JAZF1: variants seen among roughly 807,000 people sequenced by gnomAD.
JAZF1 encodes juxtaposed with another zinc finger protein 1.
A neutral mutation model predicts 26.4 loss-of-function variants in JAZF1; 8 were observed. The observed-to-expected ratio is 0.30, with a 90% CI of 0.18 to 0.55. The LOEUF (loss-of-function observed/expected upper bound fraction) is 0.55. Among genes scored for constraint, JAZF1 ranks in the 20% least tolerant of loss-of-function variants. The pLI is 0.94. For synonymous variants in JAZF1, 126 were observed against 122.3 expected, an observed-to-expected ratio of 1.03 and a Z score of -0.20; for missense variants, 199 against 322.0, an observed-to-expected ratio of 0.62 and a Z score of 2.92.
At chr7:28,112,073 C>T (rs1161116214) in intron 1 of JAZF1, among the ~76,000 whole-genome samples, 1 of 152,214 alleles carries the variant, frequency 6.6e-6, no homozygotes, top group African/African-American at 2.4e-5. Context: ...CTTGAAACGT[C>T]CCAAACCTAT....
At chr7:27,856,523 G>C (rs1384095133) in intron 3 of JAZF1, among the ~76,000 whole-genome samples, 4 of 152,200 alleles carry the variant, frequency 2.6e-5, no homozygotes, top group Middle Eastern at 3.2e-3. Context: ...ACATCCTGCT[G>C]ATTGGTCCAT....
chr7:27,863,310 G>C (rs949313737), intron 3 of JAZF1, among the ~76,000 whole-genome samples: 1 of 152,122 alleles, frequency 6.6e-6, no homozygotes, highest in East Asian at 1.9e-4. Flanking sequence ...TCTTGAATTA[G>C]AGACCGGTGG....
At chr7:28,107,178 A>G (rs1179499627) in intron 1 of JAZF1, among the ~76,000 whole-genome samples, 5 of 152,314 alleles carry the variant, frequency 3.3e-5, no homozygotes, top group African/African-American at 1.2e-4. Context: ...CAACCAATCC[A>G]CAAACATCCC....
In JAZF1 at chr7:27,991,704, T is replaced by C. The variant is rs200219512; in HGVS notation, c.188+205A>G. Among the ~76,000 whole-genome samples, 12 of 152,326 alleles carry C rather than the reference T, an allele frequency of 7.9e-5. No individual in the cohort carries two copies. In the East Asian group the frequency reaches 2.1e-3, roughly 27 times the overall value. On this transcript the variant is annotated intron_variant, in intron 2 of 4. Coordinates refer to ENST00000283928, the MANE Select transcript of JAZF1 (RefSeq NM_175061.4). Reference sequence around the variant, plus strand: ...AAAATGAGCTTATAAATCAGTCATGTTTGCAGCATATGCACAGAGCATTAC... The same window carrying C: ...AAAATGAGCTTATAAATCAGTCATGCTTGCAGCATATGCACAGAGCATTAC...
At chr7:28,010,782 G>C (rs917150088) in intron 1 of JAZF1, among the ~76,000 whole-genome samples, 1 of 152,230 alleles carries the variant, frequency 6.6e-6, no homozygotes, top group African/African-American at 2.4e-5. Context: ...AAATAATCAT[G>C]ATCACTGAAA....
chr7:28,159,064 A>C (rs1783237080), intron 1 of JAZF1, among the ~76,000 whole-genome samples: 1 of 152,126 alleles, frequency 6.6e-6, no homozygotes, highest in Non-Finnish European at 1.5e-5. Flanking sequence ...GACGCTGAAC[A>C]AACAAATACA....
chr7:28,021,768 G>A (rs1404338878), intron 1 of JAZF1, among the ~76,000 whole-genome samples: 2 of 152,130 alleles, frequency 1.3e-5, no homozygotes, highest in East Asian at 3.9e-4. Context: ...TCTCCCCAGG[G>A]ATGTTATTTT....
intron 1 of JAZF1, among the ~76,000 whole-genome samples, chr7:28,125,810 C>T (rs1396284406): frequency 6.6e-6 from 1 of 152,178 alleles, no homozygotes; most frequent in Non-Finnish European, 1.5e-5. Flanking sequence ...AATGAGATTG[C>T]TGGGCCTTGT....
chr7:27,954,494 C>T (rs971531772), intron 2 of JAZF1, among the ~76,000 whole-genome samples: 11 of 152,086 alleles, frequency 7.2e-5, no homozygotes, highest in African/African-American at 2.4e-4. Context: ...TGTCCTCCAC[C>T]CCTCAAAAAA....
chr7:27,978,297 C>T (rs1377022194), intron 2 of JAZF1, among the ~76,000 whole-genome samples: 1 of 152,200 alleles, frequency 6.6e-6, no homozygotes, highest in African/African-American at 2.4e-5. Flanking sequence ...ATACTCTTAA[C>T]CACTACATTG....
intron 2 of JAZF1, among the ~76,000 whole-genome samples, chr7:27,939,533 G>C (rs1463771197): frequency 1.3e-5 from 2 of 152,184 alleles, no homozygotes; most frequent in African/African-American, 4.8e-5. Flanking sequence ...GGGTGAGATG[G>C]CCCCTGTGCC....
At chr7:28,117,891 T>C (rs1280402483) in intron 1 of JAZF1, among the ~76,000 whole-genome samples, 4 of 152,220 alleles carry the variant, frequency 2.6e-5, no homozygotes, top group South Asian at 2.1e-4. Context: ...TTTTTCACTA[T>C]TAATTTGTTT....
chr7:28,089,800 A>G (rs1218033042), intron 1 of JAZF1, among the ~76,000 whole-genome samples: 1 of 152,250 alleles, frequency 6.6e-6, no homozygotes, highest in Non-Finnish European at 1.5e-5. Flanking sequence ...AACTGTGTTC[A>G]TGTACTAGTA....
chr7:27,867,545 G>C (rs16874395), intron 3 of JAZF1, among the ~76,000 whole-genome samples: 33,106 of 152,174 alleles, frequency 0.22, 4,520 homozygotes, highest in East Asian at 0.58. Context: ...AGCTTCCTAA[G>C]AGCACCAGCA....
chr7:27,944,944 T>C (rs150989137), intron 2 of JAZF1, among the ~76,000 whole-genome samples: 34 of 152,302 alleles, frequency 2.2e-4, no homozygotes, highest in Middle Eastern at 3.4e-3. Flanking sequence ...TCCGGAACGC[T>C]GTCATCTGCT....
intron 3 of JAZF1, among the ~76,000 whole-genome samples, chr7:27,853,309 G>A (rs1474312066): frequency 6.6e-6 from 1 of 152,282 alleles, no homozygotes; most frequent in East Asian, 1.9e-4. Flanking sequence ...CTGATTCCCA[G>A]TAGGGGCCAT....
intron 1 of JAZF1, among the ~76,000 whole-genome samples, chr7:28,164,944 G>A (rs1476613111): frequency 6.6e-6 from 1 of 152,186 alleles, no homozygotes; most frequent in African/African-American, 2.4e-5. Context: ...CTAGGCGGAA[G>A]GATCACTTTA....
At chr7:28,082,376 G>A (rs971681933) in intron 1 of JAZF1, among the ~76,000 whole-genome samples, 5 of 152,002 alleles carry the variant, frequency 3.3e-5, no homozygotes, top group Non-Finnish European at 5.9e-5. Context: ...TTGCTCTCCC[G>A]CCTCTGCCCG....
chr7:27,865,256 G>C (rs567846511), intron 3 of JAZF1, among the ~76,000 whole-genome samples: 2 of 152,182 alleles, frequency 1.3e-5, no homozygotes, highest in Admixed American at 6.5e-5. Flanking sequence ...TGTGATGCCA[G>C]CTACTCAGGA....
Sources: allele counts gnomAD v4.1 joint callset (sites outside exome capture counted in the v4.1 genomes callset), GRCh38; gene constraint gnomAD v4.1.1; transcripts MANE v1.5; gene names NCBI Gene and HGNC (gene_info 2026-07-23, HGNC 2026-07-21).